YOD1: variants seen among roughly 807,000 people sequenced by gnomAD.
YOD1 encodes the protein ubiquitin thioesterase OTU1.
A neutral mutation model predicts 23.7 loss-of-function variants in YOD1; 17 were observed. The ratio of observed to expected loss-of-function variants is 0.72; its 90% CI spans 0.49 to 1.07. YOD1 has a LOEUF of 1.07. Among genes scored for constraint, YOD1 ranks in the 50% least tolerant of loss-of-function variants. The pLI, the probability that YOD1 is intolerant of heterozygous loss-of-function variation, is 0.00. For missense variants in YOD1, 413 were observed against 447.2 expected (o/e 0.92, Z 0.69); for synonymous variants, 191 against 169.6 (o/e 1.13, Z -0.98).
At chr1:207,049,787 G>GC in intron 1 of YOD1, 64 bp from the exon 2 acceptor site, 1 of 1,451,260 alleles carries the variant, frequency 6.9e-7, no homozygotes, top group Non-Finnish European at 9.3e-7. Flanking sequence ...GTGTTCTCTA[G>GC]CCAAGTCTGT....
At position 207,045,734 on chromosome 1, in the gene YOD1, T is replaced by A. The variant is rs1682585295; in HGVS notation, c.*3286A>T. 6.6e-6 allele frequency: 1 copy of A among 152,010 alleles called. No homozygotes were observed. 9.4% of individuals were successfully genotyped at this position (152,010 alleles called of 1,614,324 possible). A position where few individuals can be genotyped will look rare whatever the true frequency, so the allele number is the denominator to read the frequency against. ...CGTTTTAATCCCTCCACAGAAGGAA[T>A]AAACTAGAGAAGCAAGTTAGGCATG... On this transcript the variant is annotated 3_prime_UTR_variant, in exon 2 of 2. Transcript: ENST00000315927.
upstream of YOD1, among the ~76,000 whole-genome samples, chr1:207,052,639 C>T (rs1311760719): frequency 6.6e-6 from 1 of 150,910 alleles, no homozygotes; most frequent in Non-Finnish European, 1.5e-5. Context: ...GCAACAAGAG[C>T]AAAACTCCAT....
At chr1:207,052,091 A>C (rs1179218039), upstream of YOD1, 22 of 1,034,474 alleles carry the variant, frequency 2.1e-5, no homozygotes, top group Non-Finnish European at 3.3e-5. Context: ...GGATTCAGAC[A>C]GCAAGTCCCA....
chr1:207,052,707 G>C (rs1304525150), upstream of YOD1, among the ~76,000 whole-genome samples: 1 of 150,202 alleles, frequency 6.7e-6, no homozygotes, highest in Non-Finnish European at 1.5e-5. Flanking sequence ...GGGGTGTATG[G>C]GTGGGTCCAG....
Position 207,051,021 on chromosome 1 carries a change from G to C in YOD1, c.10C>G (p.Pro4Ala). 6.6e-7 allele frequency: 1 copy of C among 1,507,720 alleles called. No individual in the cohort carries two copies. The highest frequency in any genetic ancestry group is 8.9e-7 in the Non-Finnish European group (1 of 1,128,336). 93.4% of individuals were successfully genotyped at this position (1,507,720 alleles called of 1,614,324 possible). The change falls in exon 1 of 2, where the codon CCC (proline) becomes GCC (alanine). Residue 4 changes from proline (P) to alanine (A), a missense_variant. By Grantham distance (27) the Pro-to-Ala change is conservative. Transcript: ENST00000315927. ...ACTCCAAAATGGCGACCTTTAGCGGGGCCAAACATCGCGAGAAGTTGCGGG... is the reference window on the plus strand; with the variant it reads ...ACTCCAAAATGGCGACCTTTAGCGGCGCCAAACATCGCGAGAAGTTGCGGG... MFG[P>A]AKGRHFGVHP...
rs562994275 is a variant in YOD1, at chr1:207,045,787, T to C, written c.*3233A>G. ...CATTTAGGGACACAGACAAATTAGATAGATAACATAATGTTAGTTAATTCC... is the reference window on the plus strand; with the variant it reads ...CATTTAGGGACACAGACAAATTAGACAGATAACATAATGTTAGTTAATTCC... On this transcript the variant is annotated 3_prime_UTR_variant, in exon 2 of 2. Transcript: ENST00000315927. 6 of 152,094 alleles carry C rather than the reference T, an allele frequency of 3.9e-5. No individual in the cohort carries two copies. The highest frequency in any genetic ancestry group is 1.9e-4 in the East Asian group (1 of 5,182). The allele number at this position is 152,094 out of a possible 1,614,324, so 9.4% of individuals were successfully genotyped here.
chr1:207,049,615 C>T lies in YOD1; in HGVS notation c.452G>A (p.Arg151Lys). 2 of 1,614,200 alleles carry T rather than the reference C, an allele frequency of 1.2e-6. No individual in the cohort carries two copies. The highest frequency in any genetic ancestry group is 1.7e-6 in the Non-Finnish European group (2 of 1,180,032). The change falls in exon 2 of 2, where the codon AGA (arginine) becomes AAA (lysine). Residue 151 changes from arginine to lysine, a missense_variant. By Grantham distance (26) the Arg-to-Lys change is conservative. Transcript: ENST00000315927. The stretch of plus-strand genomic sequence containing the variant: ...AGAGTTGTCTGCTGGGACCACGGTT[C>T]TGGTAAGCACAGGCAAAGTTTCCCT... ...YVRETLPVLT[R>K]TVVPADNSCL...
At position 207,047,674 on chromosome 1, in the gene YOD1, T is replaced by G. The variant is rs1188059022; in HGVS notation, c.*1346A>C. 1 of 152,614 alleles carries G rather than the reference T, an allele frequency of 6.6e-6. No individual in the cohort carries two copies. Among genetic ancestry groups the G allele is most frequent in the Non-Finnish European group, 1.5e-5 (1 of 68,004 alleles). 9.5% of individuals were successfully genotyped at this position (152,614 alleles called of 1,614,324 possible). On this transcript the variant is annotated 3_prime_UTR_variant, in exon 2 of 2. Transcript: ENST00000315927. Reference sequence around the variant, plus strand: ...TGGAAGATCTTGTAGTGAAGCTAAGTTTTAGAGGGTGTGCCTTGCGGATTA... The same window carrying G: ...TGGAAGATCTTGTAGTGAAGCTAAGGTTTAGAGGGTGTGCCTTGCGGATTA...
chr1:207,050,982 C>G lies in YOD1; in HGVS notation c.49G>C (p.Gly17Arg), dbSNP rs1325347603. The G allele has an allele frequency of 1.3e-6, 2 of 1,537,180 alleles. No homozygotes were observed. The highest frequency in any genetic ancestry group is 1.8e-6 in the Non-Finnish European group (2 of 1,138,492). The change falls in exon 1 of 2, where the codon GGT becomes CGT. Residue 17 changes from glycine (G) to arginine (R), a missense_variant. Gly to Arg is a moderately radical substitution (Grantham distance 125). Transcript: ENST00000315927. ...TGTTGGGAGACGCCGCCGGGGAAAC[C>G]AGGCGCCGGGTGGACTCCAAAATGG... ...GRHFGVHPAP[G>R]FPGGVSQQAA... is the part of the protein sequence containing the mutation.
In YOD1 at chr1:207,049,686, G is replaced by T. The variant is rs368259601; in HGVS notation, c.381C>A (p.Pro127=). 2.0e-4 allele frequency: 320 copies of T among 1,613,964 alleles called. No individual in the cohort carries two copies. The highest frequency in any genetic ancestry group is 2.6e-4 in the Non-Finnish European group (302 of 1,180,032). The part of the protein sequence containing the change: ...MLIIEEDQTR[P]RSSPAFTKRG... ...GTTTAGTAAATGCAGGTGAACTTCT[G>T]GGCCTGGTTTGGTCTTCTTCAATGA... is the stretch of plus-strand genomic sequence containing the variant. Residue 127 remains proline, a synonymous_variant, in exon 2 of 2, where the codon CCC becomes CCA. Coordinates refer to ENST00000315927, the MANE Select transcript of YOD1 (RefSeq NM_018566.4).
chr1:207,044,166 C>T lies in YOD1; in HGVS notation c.*4854G>A, dbSNP rs1682537418. 6.6e-6 allele frequency: 1 copy of T among 152,438 alleles called. No homozygotes were observed. The highest frequency in any genetic ancestry group is 2.4e-5 in the African/African-American group (1 of 41,450). The allele number at this position is 152,438 out of a possible 1,614,324, so 9.4% of individuals were successfully genotyped here. A position where few individuals can be genotyped will look rare whatever the true frequency, so the allele number is the denominator to read the frequency against. Reference sequence around the variant, plus strand: ...TAAAGCTCTAATTTGACGGTCTTTACTTGTGGTTTTCTTTTTGCGTTAGGA... The same window carrying T: ...TAAAGCTCTAATTTGACGGTCTTTATTTGTGGTTTTCTTTTTGCGTTAGGA... On this transcript the variant is annotated 3_prime_UTR_variant, in exon 2 of 2. Transcript: ENST00000315927.
chr1:207,052,158 A>C, upstream of YOD1: 1 of 1,608,900 alleles, frequency 6.2e-7, no homozygotes, highest in Non-Finnish European at 8.5e-7. Flanking sequence ...AACTATGAAA[A>C]GTGTAGTTCA....
At chr1:207,052,107 C>T (rs1682767132), upstream of YOD1, 10 of 1,271,732 alleles carry the variant, frequency 7.9e-6, no homozygotes, top group Admixed American at 5.5e-5. Context: ...TCCCACTTGC[C>T]AAGAGTGGGT....
At chr1:207,050,124 C>G (rs1423253669) in intron 1 of YOD1, among the ~76,000 whole-genome samples, 1 of 152,202 alleles carries the variant, frequency 6.6e-6, no homozygotes, top group Non-Finnish European at 1.5e-5. Context: ...ATCCTTGATA[C>G]AGCAACTGAA....
upstream of YOD1, chr1:207,052,436 T>A: frequency 6.1e-6 from 3 of 491,364 alleles, no homozygotes; most frequent in Non-Finnish European, 1.1e-5. Flanking sequence ...CCGAGGCGGG[T>A]GAATCACCCG....
rs1474412188 is a variant in YOD1 at position 207,050,833 on chromosome 1, C to A, written c.198G>T (p.Arg66=). ...GGCCCTGGAGTTCCCGCACCCGGGTCCGGCTGGACAGCCCCTGCAAAACAT... is the reference window on the plus strand; with the variant it reads ...GGCCCTGGAGTTCCCGCACCCGGGTACGGCTGGACAGCCCCTGCAAAACAT... ...GTHVLQGLSS[R]TRVRELQGQI... Residue 66 remains arginine (R), a synonymous_variant, in exon 1 of 2, where the codon CGG becomes CGT. Transcript: ENST00000315927. 4 of 1,613,064 alleles carry A rather than the reference C, an allele frequency of 2.5e-6. No individual in the cohort carries two copies. The highest frequency in any genetic ancestry group is 3.4e-6 in the Non-Finnish European group (4 of 1,179,958).
In YOD1 at chr1:207,050,962, G is replaced by A. The variant is rs757828294; in HGVS notation, c.69C>T (p.Ser23=). Residue 23 remains serine, a synonymous_variant, in exon 1 of 2, where the codon TCC becomes TCT. Transcript: ENST00000315927. ...CAGCTTTGGTCCCGGCAGCCTGTTGGGAGACGCCGCCGGGGAAACCAGGCG... is the reference window on the plus strand; with the variant it reads ...CAGCTTTGGTCCCGGCAGCCTGTTGAGAGACGCCGCCGGGGAAACCAGGCG... The part of the protein sequence containing the change: ...HPAPGFPGGV[S]QQAAGTKAGP... 2.4e-5 allele frequency: 38 copies of A among 1,556,064 alleles called. No individual in the cohort carries two copies. Among genetic ancestry groups the A allele is most frequent in the Non-Finnish European group, 3.2e-5 (37 of 1,148,204 alleles).
Position 207,047,661 on chromosome 1 carries a change from T to C in YOD1, c.*1359A>G, listed in dbSNP as rs1558053191. 1 of 152,640 alleles carries C rather than the reference T, an allele frequency of 6.6e-6. No individual in the cohort carries two copies. Among genetic ancestry groups the C allele is most frequent in the Non-Finnish European group, 1.5e-5 (1 of 68,010 alleles). The allele number at this position is 152,640 out of a possible 1,614,324, so 9.5% of individuals were successfully genotyped here. A position where few individuals can be genotyped will look rare whatever the true frequency, so the allele number is the denominator to read the frequency against. On this transcript the variant is annotated 3_prime_UTR_variant, in exon 2 of 2. Transcript: ENST00000315927. ...GAAAACTTTTATCTGGAAGATCTTG[T>C]AGTGAAGCTAAGTTTTAGAGGGTGT...
Position 207,050,684 on chromosome 1 carries a change from T to C in YOD1, c.343+4A>G. On this transcript the variant is annotated splice_donor_region_variant and intron_variant, in intron 1 of 1. Transcript: ENST00000315927. ...TTTCCCTGGCCCCAGCCCTGATTCC[T>C]TACCAGATTGGATGGGCAAGTCTTC... is the stretch of plus-strand genomic sequence containing the variant. 6.2e-7 allele frequency: 1 copy of C among 1,613,084 alleles called. No homozygotes were observed. Among genetic ancestry groups the C allele is most frequent in the Non-Finnish European group, 8.5e-7 (1 of 1,179,972 alleles).
Sources: gnomAD v4.1 joint callset for allele counts (sites outside exome capture counted in the v4.1 genomes callset) on GRCh38, gnomAD v4.1.1 for gene constraint, MANE v1.5 for transcripts, NCBI Gene and HGNC (gene_info 2026-07-23, HGNC 2026-07-21) for gene names.